SYT17: variants seen among roughly 807,000 people sequenced by gnomAD.
The protein encoded by SYT17 is synaptotagmin-17.
SYT17 carries 22 observed loss-of-function variants against 46.7 expected under a neutral mutation model. The observed-to-expected ratio is 0.47, with a 90% confidence interval of 0.34 to 0.67. The LOEUF (loss-of-function observed/expected upper bound fraction) is 0.67. Among genes scored for constraint, SYT17 ranks in the 30% least tolerant of loss-of-function variants. SYT17 has a pLI of 0.01. For missense variants in SYT17, 519 were observed against 612.8 expected (o/e 0.85, Z 1.62); for synonymous variants, 251 against 248.4 (o/e 1.01, Z -0.10).
At chr16:19,187,293 C>T (rs147601551) in intron 5 of SYT17, among the ~76,000 whole-genome samples, 84 of 152,280 alleles carry the variant, frequency 5.5e-4, no homozygotes, top group African/African-American at 1.9e-3. Context: ...CCTCTCACCT[C>T]GGCCTCCTAA....
intron 7 of SYT17, among the ~76,000 whole-genome samples, chr16:19,227,646 C>T (rs1418758846): frequency 6.6e-6 from 1 of 152,166 alleles, no homozygotes; most frequent in Non-Finnish European, 1.5e-5. Flanking sequence ...CTTCCCCTTT[C>T]CAGTTCCTTC....
At chr16:19,242,345 C>A (rs1221507552) in intron 7 of SYT17, among the ~76,000 whole-genome samples, 1 of 152,054 alleles carries the variant, frequency 6.6e-6, no homozygotes, top group Admixed American at 6.5e-5. Context: ...AGGAAAGGAG[C>A]ATTCTAGGCA....
At chr16:19,188,728 AGTC>A (rs775033811) in intron 5 of SYT17, among the ~76,000 whole-genome samples, 10 of 152,154 alleles carry the variant, frequency 6.6e-5, no homozygotes, top group Non-Finnish European at 1.5e-5. Flanking sequence ...GCATTAGCAG[AGTC>A]GTGTTCCCTC....
chr16:19,179,305 T>G (rs555032849), intron 3 of SYT17, among the ~76,000 whole-genome samples: 1 of 151,940 alleles, frequency 6.6e-6, no homozygotes, highest in African/African-American at 2.4e-5. Flanking sequence ...TTTAAAAAAT[T>G]TTTTTGTAGA....
At chr16:19,193,401 A>G (rs1965105667) in intron 5 of SYT17, among the ~76,000 whole-genome samples, 1 of 152,218 alleles carries the variant, frequency 6.6e-6, no homozygotes, top group African/African-American at 2.4e-5. Flanking sequence ...GTCAAAAGTG[A>G]TATTTGCACA....
chr16:19,170,462 G>A (rs1964038480), intron 1 of SYT17: 1 of 152,142 alleles, frequency 6.6e-6, no homozygotes, highest in Non-Finnish European at 1.5e-5. Flanking sequence ...TCTTTCTGGT[G>A]TGAATTGGTT....
intron 7 of SYT17, among the ~76,000 whole-genome samples, chr16:19,254,696 C>T (rs1954753381): frequency 6.6e-6 from 1 of 152,208 alleles, no homozygotes; most frequent in African/African-American, 2.4e-5. Flanking sequence ...CATCTTCCCC[C>T]AAGCGATGCC....
intron 1 of SYT17, among the ~76,000 whole-genome samples, chr16:19,169,277 T>TG (rs1338493187): frequency 7.1e-6 from 1 of 140,978 alleles, no homozygotes; most frequent in Non-Finnish European, 1.5e-5. Flanking sequence ...CAAGAATCCT[T>TG]GGGCTGAAAT....
rs115846828 is a variant in SYT17, at chr16:19,191,061, C to T, written c.951+6914C>T. Among the ~76,000 whole-genome samples, 1,125 of 151,924 alleles carry T rather than the reference C, an allele frequency of 7.4e-3. 14 individuals are homozygous for T. The highest frequency in any genetic ancestry group is 0.026 in the African/African-American group (1,085 of 41,394). ...AGGGCAGTGGAGAGATTAGATGCCC[C>T]GTGGCCATGCGGGAACCTTTCTGAG... On this transcript the variant is annotated intron_variant, in intron 5 of 7. Coordinates refer to ENST00000355377, the MANE Select transcript of SYT17 (RefSeq NM_016524.4).
chr16:19,265,026 A>G (rs1320288080), intron 7 of SYT17, among the ~76,000 whole-genome samples: 4 of 152,142 alleles, frequency 2.6e-5, no homozygotes, highest in South Asian at 2.1e-4. Flanking sequence ...CAAAGAAGAA[A>G]ACTAAATGGG....
At chr16:19,185,019 T>C (rs1964726922) in intron 5 of SYT17, among the ~76,000 whole-genome samples, 1 of 152,108 alleles carries the variant, frequency 6.6e-6, no homozygotes, top group Non-Finnish European at 1.5e-5. Flanking sequence ...GTCTACCCAT[T>C]GTAGGTAGAA....
chr16:19,206,022 GA>G (rs920605592), intron 5 of SYT17, among the ~76,000 whole-genome samples: 5 of 152,094 alleles, frequency 3.3e-5, no homozygotes, highest in African/African-American at 7.2e-5. Flanking sequence ...AGGAGAAAGA[GA>G]AAAAAAGAAG....
At chr16:19,244,809 G>A (rs1057379891) in intron 7 of SYT17, among the ~76,000 whole-genome samples, 1 of 152,240 alleles carries the variant, frequency 6.6e-6, no homozygotes, top group Non-Finnish European at 1.5e-5. Flanking sequence ...GCTGAGGACT[G>A]CATGGGAACT....
rs1385787558 is a variant in SYT17 at position 19,183,958 on chromosome 16, C to T, written c.762C>T (p.Pro254=). 13 of 1,614,158 alleles carry T rather than the reference C, an allele frequency of 8.1e-6. No homozygotes were observed. Among genetic ancestry groups the T allele is most frequent in the South Asian group, 2.2e-5 (2 of 91,078 alleles). ...QTGVKRKTQK[P]VFEERYTFEI... is the part of the protein sequence containing the mutation. ...GGGTCAAACGCAAGACCCAGAAGCCCGTGTTTGAGGAGCGCTACACCTTCG... is the reference window on the plus strand; with the variant it reads ...GGGTCAAACGCAAGACCCAGAAGCCTGTGTTTGAGGAGCGCTACACCTTCG... The change falls in exon 5 of 8, where the codon CCC becomes CCT. Residue 254 remains proline, a synonymous_variant. Transcript: ENST00000355377. The surrounding 1 kb of genome is among the most constrained non-coding windows in gnomAD (Gnocchi z 5.6).
intron 7 of SYT17, among the ~76,000 whole-genome samples, chr16:19,231,049 T>C (rs887029937): frequency 1.3e-5 from 2 of 152,204 alleles, no homozygotes; most frequent in Non-Finnish European, 2.9e-5. Context: ...TGAGATTCTG[T>C]GGAAAACCCA....
At chr16:19,239,224 C>T (rs1966907977) in intron 7 of SYT17, among the ~76,000 whole-genome samples, 1 of 152,042 alleles carries the variant, frequency 6.6e-6, no homozygotes, top group African/African-American at 2.4e-5. Context: ...CTGCAGTGAG[C>T]TATAATCATA....
intron 7 of SYT17, among the ~76,000 whole-genome samples, chr16:19,234,002 G>A (rs890662693): frequency 2.0e-5 from 3 of 152,120 alleles, no homozygotes; most frequent in Admixed American, 6.6e-5. Context: ...AGTATGGATT[G>A]GAGTGAGCTA....
chr16:19,223,906 A>G (rs1180618919), intron 6 of SYT17, among the ~76,000 whole-genome samples: 1 of 152,162 alleles, frequency 6.6e-6, no homozygotes, highest in Non-Finnish European at 1.5e-5. Flanking sequence ...AGTATGATAA[A>G]ATCATTAAGG....
intron 5 of SYT17, among the ~76,000 whole-genome samples, chr16:19,197,271 C>G (rs1003748525): frequency 2.0e-5 from 3 of 152,234 alleles, no homozygotes; most frequent in South Asian, 2.1e-4. Flanking sequence ...CAGCCATTAA[C>G]TAGAAGTTTC....
Sources: allele counts gnomAD v4.1 joint callset (sites outside exome capture counted in the v4.1 genomes callset), GRCh38; gene constraint gnomAD v4.1.1; non-coding constraint Gnocchi (gnomAD v3.1); transcripts MANE v1.5; gene names NCBI Gene and HGNC (gene_info 2026-07-23, HGNC 2026-07-21).